The following ANKH variants were observed in gnomAD, a reference collection of about 807,000 sequenced individuals.
The protein encoded by ANKH is ANKH inorganic pyrophosphate transport regulator, also known as mineralization regulator ANKH.
Under a neutral mutation model 49.0 loss-of-function variants are expected in ANKH, and 15 were observed. The observed-to-expected ratio is 0.31, with a 90% CI of 0.20 to 0.47. The LOEUF is 0.47. ANKH is among the 20% of genes least tolerant of loss of function. ANKH has a pLI of 1.00. For missense variants in ANKH, 429 were observed against 652.0 expected (o/e 0.66, Z 3.72); for synonymous variants, 273 against 260.0 (o/e 1.05, Z -0.48).
At chr5:14,805,470 T>C (rs1017031208) in intron 1 of ANKH, among the ~76,000 whole-genome samples, 3 of 130,170 alleles carry the variant, frequency 2.3e-5, no homozygotes, top group African/African-American at 8.9e-5. Context: ...TACACACACA[T>C]ATATGTTTAT....
intron 4 of ANKH, among the ~76,000 whole-genome samples, chr5:14,755,506 G>A (rs1738857227): frequency 6.6e-6 from 1 of 152,152 alleles, no homozygotes; most frequent in African/African-American, 2.4e-5. Flanking sequence ...GCCACGCAGA[G>A]GGCACCCAGG....
At chr5:14,741,203 T>C (rs1242720767) in intron 8 of ANKH, 1 of 153,570 alleles carries the variant, frequency 6.5e-6, no homozygotes, top group Admixed American at 6.5e-5. Context: ...ATTATCAGTG[T>C]TCGCACACAT....
chr5:14,739,011 C>A (rs1287338622), intron 8 of ANKH, among the ~76,000 whole-genome samples: 1 of 152,078 alleles, frequency 6.6e-6, no homozygotes, highest in Non-Finnish European at 1.5e-5. Context: ...GCAGACCCTG[C>A]CTCATGAAGT....
intron 1 of ANKH, among the ~76,000 whole-genome samples, chr5:14,832,651 T>C (rs985421624): frequency 1.3e-5 from 2 of 152,238 alleles, no homozygotes; most frequent in African/African-American, 2.4e-5. Flanking sequence ...CAAGAACGGA[T>C]AAATTAAATT....
At chr5:14,784,982 C>T (rs1739927242) in intron 1 of ANKH, among the ~76,000 whole-genome samples, 1 of 152,168 alleles carries the variant, frequency 6.6e-6, no homozygotes, top group African/African-American at 2.4e-5. Flanking sequence ...GGTCAGCGCT[C>T]TTCCAGTGAC....
At chr5:14,823,934 A>G (rs1741266938) in intron 1 of ANKH, among the ~76,000 whole-genome samples, 1 of 152,138 alleles carries the variant, frequency 6.6e-6, no homozygotes, top group Non-Finnish European at 1.5e-5. Context: ...CATCTCAAAA[A>G]ACAAACAAAC....
chr5:14,833,059 C>T (rs567373257), intron 1 of ANKH, among the ~76,000 whole-genome samples: 2 of 152,318 alleles, frequency 1.3e-5, no homozygotes, highest in Non-Finnish European at 2.9e-5. Context: ...GGCCCCACAA[C>T]CTGCACTATT....
intron 5 of ANKH, among the ~76,000 whole-genome samples, chr5:14,750,456 C>T (rs1443278677): frequency 6.6e-6 from 1 of 152,196 alleles, no homozygotes; most frequent in Non-Finnish European, 1.5e-5. Context: ...GTGTTCGTGG[C>T]TCCTATATCC....
intron 1 of ANKH, among the ~76,000 whole-genome samples, chr5:14,867,645 C>T (rs1053262400): frequency 1.5e-4 from 23 of 152,066 alleles, no homozygotes; most frequent in African/African-American, 5.3e-4. Flanking sequence ...CTGCAAGCTC[C>T]GCTTCCCGGG....
chr5:14,713,422 A>G lies in ANKH; in HGVS notation c.1265+122T>C. On this transcript the variant is annotated intron_variant, in intron 10 of 11. Coordinates refer to ENST00000284268, the MANE Select transcript of ANKH (RefSeq NM_054027.6). This position sits in a 1 kb window ranked among gnomAD's most constrained non-coding sequence, Gnocchi z 4.4. ...TGCCTGGGCAGACACACAAAACATCATTCTGAATTTCCGATTCTAGACGTG... is the reference window on the plus strand; with the variant it reads ...TGCCTGGGCAGACACACAAAACATCGTTCTGAATTTCCGATTCTAGACGTG... 1 of 1,401,696 alleles carries G rather than the reference A, an allele frequency of 7.1e-7. No individual in the cohort carries two copies. Among genetic ancestry groups the G allele is most frequent in the Non-Finnish European group, 9.9e-7 (1 of 1,012,044 alleles). 86.8% of individuals were successfully genotyped at this position (1,401,696 alleles called of 1,614,324 possible).
chr5:14,751,058 G>T lies in ANKH; in HGVS notation c.687+11C>A. The stretch of plus-strand genomic sequence containing the variant: ...GTCTCAGACAGACTGCTGTTGGGTT[G>T]GTAGACGTACCCCCAGCTCCGGGCC... On this transcript the variant is annotated intron_variant, in intron 5 of 11. Coordinates refer to ENST00000284268, the MANE Select transcript of ANKH (RefSeq NM_054027.6). 1.9e-6 allele frequency: 3 copies of T among 1,614,078 alleles called. No individual in the cohort carries two copies. Among genetic ancestry groups the T allele is most frequent in the South Asian group, 2.2e-5 (2 of 91,064 alleles).
In ANKH at chr5:14,711,336, T is replaced by TGGGGCTGTGGATG. The variant is rs761244135; in HGVS notation, c.1366-39_1366-27dup. The TGGGGCTGTGGATG allele has an allele frequency of 3.1e-6, 5 of 1,599,512 alleles. No individual in the cohort carries two copies. In the East Asian group the frequency reaches 1.1e-4, roughly 36 times the overall value. ...CTAGACCAAAGAAGACTCATCAGTG[T>TGGGGCTGTGGATG]GGGGCTGTGGATGGGGACACTGCAC... On this transcript the variant is annotated intron_variant, in intron 11 of 11. Transcript: ENST00000284268.
Position 14,707,477 on chromosome 5 carries a change from A to C in ANKH, c.*3720T>G, listed in dbSNP as rs1206728431. The C allele has an allele frequency of 6.6e-6, 1 of 152,180 alleles. No homozygotes were observed. The highest frequency in any genetic ancestry group is 1.5e-5 in the Non-Finnish European group (1 of 68,034). 9.4% of individuals were successfully genotyped at this position (152,180 alleles called of 1,614,324 possible). A position where few individuals can be genotyped will look rare whatever the true frequency, so the allele number is the denominator to read the frequency against. On this transcript the variant is annotated 3_prime_UTR_variant, in exon 12 of 12. Transcript: ENST00000284268. Reference sequence around the variant, plus strand: ...CTTATTCTGAAAATATAAGTGAATAAATTTTGAGAGTTACGATATGTAATG... The same window carrying C: ...CTTATTCTGAAAATATAAGTGAATACATTTTGAGAGTTACGATATGTAATG...
chr5:14,752,759 A>G (rs1306789577), intron 4 of ANKH, among the ~76,000 whole-genome samples: 1 of 151,722 alleles, frequency 6.6e-6, no homozygotes, highest in Non-Finnish European at 1.5e-5. Context: ...AGCAAAGATC[A>G]GGAAAGCTGC....
At position 14,871,526 on chromosome 5, in the gene ANKH, ACGGGG is replaced by A; in HGVS notation, c.-84_-80del. On this transcript the variant is annotated 5_prime_UTR_variant, in exon 1 of 12. Transcript: ENST00000284268. ...CGGGGAGGCGAGGGGCGACGGGGCG[ACGGGG>A]CGAGCGGGGCGCGGGCCGACAGAGG... 4 of 1,064,828 alleles carry A rather than the reference ACGGGG, an allele frequency of 3.8e-6. No individual in the cohort carries two copies. Among genetic ancestry groups the A allele is most frequent in the Non-Finnish European group, 5.2e-6 (4 of 762,996 alleles). The allele number at this position is 1,064,828 out of a possible 1,614,324, so 66.0% of individuals were successfully genotyped here.
intron 1 of ANKH, among the ~76,000 whole-genome samples, chr5:14,821,445 A>C (rs1741194544): frequency 6.6e-6 from 1 of 152,226 alleles, no homozygotes; most frequent in African/African-American, 2.4e-5. Context: ...TTCGTATTCC[A>C]GATCGGAGGG....
At chr5:14,871,255 G>A in intron 1 of ANKH, 97 bp downstream of exon 1, 1 of 1,051,444 alleles carries the variant, frequency 9.5e-7, no homozygotes, top group South Asian at 1.3e-5. Context: ...TCAGGATAAA[G>A]AGGGACTCGG....
intron 1 of ANKH, among the ~76,000 whole-genome samples, chr5:14,800,727 C>CTTT (rs901835855): frequency 1.5e-5 from 2 of 135,308 alleles, no homozygotes; most frequent in African/African-American, 5.6e-5. Context: ...CATTTTTTTT[C>CTTT]TTTTTTTTTT....
chr5:14,824,367 G>T (rs1208830621), intron 1 of ANKH, among the ~76,000 whole-genome samples: 1 of 152,018 alleles, frequency 6.6e-6, no homozygotes, highest in Non-Finnish European at 1.5e-5. Flanking sequence ...ACAACGGCTG[G>T]GTGATTTTTT....
Sources: allele counts gnomAD v4.1 joint callset (sites outside exome capture counted in the v4.1 genomes callset), GRCh38; gene constraint gnomAD v4.1.1; non-coding constraint Gnocchi (gnomAD v3.1); transcripts MANE v1.5; gene names NCBI Gene and HGNC (gene_info 2026-07-23, HGNC 2026-07-21).